TMEM164: variants seen among roughly 807,000 people sequenced by gnomAD.
The protein encoded by TMEM164 is RP13-360B22.2.
Under a neutral mutation model 18.8 loss-of-function variants are expected in TMEM164, and 4 were observed. That is an observed-to-expected ratio of 0.21 (90% CI 0.10 to 0.49). The LOEUF (loss-of-function observed/expected upper bound fraction) is 0.49. TMEM164 is among the 20% of genes least tolerant of loss of function. The pLI, the probability that TMEM164 is intolerant of heterozygous loss-of-function variation, is 0.98. For synonymous variants in TMEM164, 86 were observed against 101.7 expected, an observed-to-expected ratio of 0.85 and a Z score of 0.93; for missense variants, 108 against 239.9, an observed-to-expected ratio of 0.45 and a Z score of 3.63.
Position 110,152,070 on chromosome X carries a change from T to G in TMEM164, c.586+7194T>G, listed in dbSNP as rs866894682. Among the ~76,000 whole-genome samples, 589 of 102,437 alleles carry G rather than the reference T, an allele frequency of 5.7e-3. 10 individuals carry two copies. The highest frequency in any genetic ancestry group is 0.021 in the African/African-American group (556 of 26,729). 89.0% of individuals were successfully genotyped at this position (102,437 alleles called of 115,157 possible). ...TCTTTTCTTTTCTTTTTTTTTTTTT[T>G]GTCTGAGACGTAGTCTCACTCTGTT... On this transcript the variant is annotated intron_variant, in intron 5 of 6. Coordinates refer to ENST00000372068, the MANE Select transcript of TMEM164 (RefSeq NM_032227.4).
intron 3 of TMEM164, among the ~76,000 whole-genome samples, chrX:110,078,545 G>A (rs144269338): frequency 3.0e-4 from 34 of 111,804 alleles, no homozygotes; most frequent in African/African-American, 1.0e-3. Flanking sequence ...TAGGTTGGGC[G>A]CAGTGGCTCA....
At chrX:110,094,869 G>A (rs1463921140) in intron 3 of TMEM164, among the ~76,000 whole-genome samples, 1 of 111,726 alleles carries the variant, frequency 9.0e-6, no homozygotes, top group African/African-American at 3.3e-5. Flanking sequence ...TGTAAGGCAG[G>A]CCTGGTGGTG....
At chrX:110,072,079 C>A (rs1198972250) in intron 3 of TMEM164, among the ~76,000 whole-genome samples, 1 of 108,993 alleles carries the variant, frequency 9.2e-6, no homozygotes, top group African/African-American at 3.3e-5. Flanking sequence ...GGTGGTCAGA[C>A]CACCTGAGGT....
At position 110,020,264 on chromosome X, in the gene TMEM164, C is replaced by G. The variant is rs925316885; in HGVS notation, c.390+16100C>G. On this transcript the variant is annotated intron_variant, in intron 2 of 6. Coordinates refer to ENST00000372068, the MANE Select transcript of TMEM164 (RefSeq NM_032227.4). ...ATTCCTAATTTTTTAAAAATTAAGT[C>G]TAGTCCAATCCCTTTGTTTTCCAGA... 5 of 490,466 alleles carry G rather than the reference C, an allele frequency of 1.0e-5. No individual in the cohort carries two copies. The African/African-American group carries it at 1.3e-4, about 13-fold the overall frequency. The allele number at this position is 490,466 out of a possible 1,213,427, so 40.4% of individuals were successfully genotyped here. A position where few individuals can be genotyped will look rare whatever the true frequency, so the allele number is the denominator to read the frequency against.
intron 3 of TMEM164, among the ~76,000 whole-genome samples, chrX:110,092,796 A>G (rs973681855): frequency 1.2e-4 from 14 of 112,007 alleles, no homozygotes; most frequent in African/African-American, 4.2e-4. Context: ...CCAGTTTTCA[A>G]AGGGAATGCT....
At chrX:110,147,406 A>G (rs893542127) in intron 5 of TMEM164, among the ~76,000 whole-genome samples, 3 of 111,749 alleles carry the variant, frequency 2.7e-5, no homozygotes, top group Non-Finnish European at 3.8e-5. Context: ...TTAACAAACT[A>G]TATTTCTTAC....
At chrX:110,105,012 T>G (rs2066166228) in intron 3 of TMEM164, among the ~76,000 whole-genome samples, 2 of 111,860 alleles carry the variant, frequency 1.8e-5, no homozygotes, top group Non-Finnish European at 3.8e-5. Context: ...TCTGTCCATC[T>G]GCTTTCTCTG....
At chrX:110,149,909 T>G (rs111567072) in intron 5 of TMEM164, among the ~76,000 whole-genome samples, 5,695 of 111,541 alleles carry the variant, frequency 0.051, 362 homozygotes, top group African/African-American at 0.18. Context: ...ATGCAATGCA[T>G]CCGTTCATCT....
At position 110,176,080 on chromosome X, in the gene TMEM164, C is replaced by T. The variant is rs2067286066; in HGVS notation, c.*2629C>T. On this transcript the variant is annotated 3_prime_UTR_variant, in exon 7 of 7. Transcript: ENST00000372068. ...CCAAGCCAGTTCCCCAGCCAGGTTT[C>T]CGTGTGCCATTTGCCAGCGTGTGGG... 1 of 755,440 alleles carries T rather than the reference C, an allele frequency of 1.3e-6. No individual in the cohort carries two copies. Among genetic ancestry groups the T allele is most frequent in the African/African-American group, 2.3e-5 (1 of 43,387 alleles). The allele number at this position is 755,440 out of a possible 1,213,427, so 62.3% of individuals were successfully genotyped here.
chrX:110,096,084 T>G (rs1307021805), intron 3 of TMEM164, among the ~76,000 whole-genome samples: 3 of 112,365 alleles, frequency 2.7e-5, no homozygotes, highest in Admixed American at 9.4e-5. Context: ...GAATGAGGTG[T>G]CAGTTGGCCC....
intron 4 of TMEM164, among the ~76,000 whole-genome samples, chrX:110,111,774 A>T (rs952609926): frequency 8.9e-6 from 1 of 112,435 alleles, no homozygotes. Context: ...AAGCATGAGA[A>T]TGAAGGCCCC....
At chrX:110,178,519 A>T (rs2067310853), downstream of TMEM164, among the ~76,000 whole-genome samples, 1 of 112,253 alleles carries the variant, frequency 8.9e-6, no homozygotes, top group African/African-American at 3.2e-5. Flanking sequence ...GACCTAGGCC[A>T]TTGCCATCCC....
chrX:110,155,638 A>C (rs760022566), intron 5 of TMEM164, among the ~76,000 whole-genome samples: 1 of 111,040 alleles, frequency 9.0e-6, no homozygotes, highest in Admixed American at 9.6e-5. Context: ...TACCAGGACT[A>C]CTTTGCTTCC....
At chrX:110,146,183 G>A (rs936146660) in intron 5 of TMEM164, among the ~76,000 whole-genome samples, 5 of 112,089 alleles carry the variant, frequency 4.5e-5, no homozygotes, top group Non-Finnish European at 7.5e-5. Context: ...ATAGAACCAG[G>A]CAGATAGGTG....
intron 3 of TMEM164, among the ~76,000 whole-genome samples, chrX:110,101,374 A>G (rs2066108175): frequency 9.0e-6 from 1 of 111,293 alleles, no homozygotes; most frequent in African/African-American, 3.3e-5. Flanking sequence ...TTTGAAGAAT[A>G]TGTCCATTTC....
intron 2 of TMEM164, among the ~76,000 whole-genome samples, chrX:110,034,984 A>T (rs1346857817): frequency 2.0e-5 from 2 of 100,955 alleles, no homozygotes; most frequent in Non-Finnish European, 4.0e-5. Flanking sequence ...AAAACCAAAC[A>T]CCGCATATTC....
At chrX:110,133,334 A>G (rs2066639656) in intron 4 of TMEM164, among the ~76,000 whole-genome samples, 1 of 111,150 alleles carries the variant, frequency 9.0e-6, no homozygotes, top group African/African-American at 3.3e-5. Flanking sequence ...TACTTTTAGT[A>G]GAGACAGGGT....
intron 2 of TMEM164, among the ~76,000 whole-genome samples, chrX:110,066,853 T>C (rs1362799312): frequency 9.0e-6 from 1 of 110,854 alleles, no homozygotes; most frequent in Admixed American, 9.6e-5. Context: ...TTTGATAGGG[T>C]TGCCAGCTAA....
In TMEM164 at chrX:110,025,094, T is replaced by G. The variant is rs139003863; in HGVS notation, c.390+20930T>G. ...TATCAGCTTGCATCAGGGAAGGCTC[T>G]GAGGGCTTGTCCCCAAAGCCAGGCT... is the stretch of plus-strand genomic sequence containing the variant. On this transcript the variant is annotated intron_variant, in intron 2 of 6. Coordinates refer to ENST00000372068, the MANE Select transcript of TMEM164 (RefSeq NM_032227.4). Among the ~76,000 whole-genome samples, 925 of 110,612 alleles carry G rather than the reference T, an allele frequency of 8.4e-3. 17 individuals are homozygous for G. Among genetic ancestry groups the G allele is most frequent in the African/African-American group, 0.029 (873 of 30,357 alleles).
Sources: gnomAD v4.1 joint callset for allele counts (sites outside exome capture counted in the v4.1 genomes callset) on GRCh38, gnomAD v4.1.1 for gene constraint, MANE v1.5 for transcripts, NCBI Gene and HGNC (gene_info 2026-07-23, HGNC 2026-07-21) for gene names.